Variants in PHF21B observed in about 807,000 individuals in gnomAD.
The protein encoded by PHF21B is PHD finger protein 4.
PHF21B carries 22 observed loss-of-function variants against 62.2 expected under a neutral mutation model. That is an observed-to-expected ratio of 0.35 (90% CI 0.25 to 0.51). PHF21B has a LOEUF of 0.51. PHF21B is among the 20% of genes least tolerant of loss of function. The pLI, the probability that PHF21B is intolerant of heterozygous loss-of-function variation, is 0.97. For missense variants in PHF21B, 701 were observed against 707.9 expected, an observed-to-expected ratio of 0.99 and a Z score of 0.11; for synonymous variants, 341 against 314.7, an observed-to-expected ratio of 1.08 and a Z score of -0.88.
chr22:44,970,630 G>A (rs1479898332), intron 2 of PHF21B, among the ~76,000 whole-genome samples: 1 of 152,116 alleles, frequency 6.6e-6, no homozygotes, highest in East Asian at 1.9e-4. Context: ...CTGGGTTCAG[G>A]GTCAAGGTGG....
intron 12 of PHF21B, among the ~76,000 whole-genome samples, chr22:44,883,717 G>A (rs925568846): frequency 6.6e-6 from 1 of 151,998 alleles, no homozygotes; most frequent in Non-Finnish European, 1.5e-5. Flanking sequence ...GTCTCTCTAC[G>A]CACCACCGCA....
At chr22:44,942,354 G>A (rs576076882) in intron 2 of PHF21B, among the ~76,000 whole-genome samples, 2 of 152,258 alleles carry the variant, frequency 1.3e-5, no homozygotes, top group South Asian at 2.1e-4. Flanking sequence ...CCCTCTGCCC[G>A]AGGACCCTGG....
chr22:45,007,587 A>C, intron 2 of PHF21B, among the ~76,000 whole-genome samples: 1 of 21,458 alleles, frequency 4.7e-5, no homozygotes, highest in East Asian at 5.1e-4. Context: ...GGGGCAGCGG[A>C]GGGAGGGAGG....
chr22:44,997,869 C>A (rs1186057973), intron 2 of PHF21B, among the ~76,000 whole-genome samples: 1 of 152,242 alleles, frequency 6.6e-6, no homozygotes, highest in African/African-American at 2.4e-5. Context: ...CCCTCTGCTG[C>A]CGCTTCGCAT....
Position 44,893,549 on chromosome 22 carries a change from C to G in PHF21B, c.884-16G>C. 6.3e-7 allele frequency: 1 copy of G among 1,588,526 alleles called. No homozygotes were observed. The highest frequency in any genetic ancestry group is 1.1e-5 in the South Asian group (1 of 87,224). On this transcript the variant is annotated splice_polypyrimidine_tract_variant and intron_variant, in intron 6 of 12. Transcript: ENST00000313237. The stretch of plus-strand genomic sequence containing the variant: ...CTCTGGATTTCTGGAAAGGCACAGA[C>G]ACAGCAGTTACTGGGTCCTGCCTGC...
chr22:44,961,533 CTA>C (rs1243972138), intron 2 of PHF21B, among the ~76,000 whole-genome samples: 1 of 152,088 alleles, frequency 6.6e-6, no homozygotes, highest in Non-Finnish European at 1.5e-5. Context: ...TGTTCCTGCT[CTA>C]TTTGCTTAGG....
chr22:44,894,220 TAAAG>T (rs1311599277), intron 6 of PHF21B, among the ~76,000 whole-genome samples: 1 of 152,172 alleles, frequency 6.6e-6, no homozygotes, highest in Non-Finnish European at 1.5e-5. Context: ...ACACAGGGTC[TAAAG>T]AAAGAAAGAA....
At chr22:44,998,628 G>A (rs570277716) in intron 2 of PHF21B, among the ~76,000 whole-genome samples, 4 of 152,238 alleles carry the variant, frequency 2.6e-5, no homozygotes, top group African/African-American at 9.6e-5. Context: ...CAAGTCAGGG[G>A]CCGAATCCCA....
At chr22:44,955,072 C>T (rs1054746678) in intron 2 of PHF21B, among the ~76,000 whole-genome samples, 2 of 152,326 alleles carry the variant, frequency 1.3e-5, no homozygotes, top group Admixed American at 6.5e-5. Context: ...GGTGCAGCTG[C>T]GTCCAGCCTG....
chr22:44,994,549 GC>G (rs1367754906), intron 2 of PHF21B, among the ~76,000 whole-genome samples: 1 of 152,232 alleles, frequency 6.6e-6, no homozygotes, highest in African/African-American at 2.4e-5. Flanking sequence ...AATGAATTCT[GC>G]TATTTTACGC....
At chr22:44,946,625 G>A (rs533848049) in intron 2 of PHF21B, among the ~76,000 whole-genome samples, 13 of 151,976 alleles carry the variant, frequency 8.6e-5, no homozygotes, top group Non-Finnish European at 1.8e-4. Flanking sequence ...ATGGATGGAT[G>A]GGTGGATGGA....
chr22:45,005,975 C>T (rs1328603797), intron 2 of PHF21B, among the ~76,000 whole-genome samples: 1 of 152,164 alleles, frequency 6.6e-6, no homozygotes, highest in African/African-American at 2.4e-5. Flanking sequence ...CCAGAGTCAC[C>T]TCCAAAGGCT....
chr22:44,927,697 C>T (rs1157830687), intron 2 of PHF21B, among the ~76,000 whole-genome samples: 1 of 152,174 alleles, frequency 6.6e-6, no homozygotes, highest in East Asian at 1.9e-4. Context: ...TCCCTACAAA[C>T]CTTTAATTAG....
chr22:44,911,327 C>T (rs2071340442), intron 5 of PHF21B, among the ~76,000 whole-genome samples: 2 of 151,056 alleles, frequency 1.3e-5, no homozygotes, highest in South Asian at 2.1e-4. Flanking sequence ...CGAGGAGTTA[C>T]TTATGTTAAT....
intron 2 of PHF21B, among the ~76,000 whole-genome samples, chr22:44,930,952 CA>C (rs2071729804): frequency 6.6e-6 from 1 of 152,232 alleles, no homozygotes; most frequent in South Asian, 2.1e-4. Context: ...CCCCGATACC[CA>C]GCAGCTCCGG....
At chr22:44,911,522 G>A (rs773228320) in intron 5 of PHF21B, among the ~76,000 whole-genome samples, 1 of 152,208 alleles carries the variant, frequency 6.6e-6, no homozygotes, top group Non-Finnish European at 1.5e-5. Flanking sequence ...ATGACTAAAA[G>A]GGGCCAAGGT....
At chr22:44,931,621 G>A (rs2071743370) in intron 2 of PHF21B, among the ~76,000 whole-genome samples, 1 of 131,554 alleles carries the variant, frequency 7.6e-6, no homozygotes, top group Non-Finnish European at 1.7e-5. Context: ...CATGAACTAA[G>A]GATTGGGGGT....
At chr22:44,972,619 T>G (rs942989126) in intron 2 of PHF21B, among the ~76,000 whole-genome samples, 2 of 152,224 alleles carry the variant, frequency 1.3e-5, no homozygotes, top group South Asian at 2.1e-4. Flanking sequence ...AAACTCCTCA[T>G]GTACGTCGGC....
At chr22:44,914,134 G>C in intron 4 of PHF21B, 46 bp from the exon 5 acceptor site, 1 of 611,506 alleles carries the variant, frequency 1.6e-6, no homozygotes, top group East Asian at 3.1e-5. Flanking sequence ...GAAGAGTGAG[G>C]GGGGCTGGGG....
Sources: gnomAD v4.1 joint callset for allele counts (sites outside exome capture counted in the v4.1 genomes callset) on GRCh38, gnomAD v4.1.1 for gene constraint, MANE v1.5 for transcripts, NCBI Gene and HGNC (gene_info 2026-07-23, HGNC 2026-07-21) for gene names.